Variants in AKAP9 observed in about 807,000 individuals in gnomAD.
AKAP9 encodes the protein A-kinase anchoring protein 9.
A neutral mutation model predicts 488.5 loss-of-function variants in AKAP9; 311 were observed. The observed-to-expected ratio is 0.64, with a 90% CI of 0.58 to 0.70. The LOEUF (loss-of-function observed/expected upper bound fraction) is 0.70, where lower values mean the gene tolerates loss of function less well. Ranked by LOEUF, AKAP9 falls within the 30% of genes least tolerant of loss-of-function variation. The pLI is 0.00. For missense variants in AKAP9, 4,215 were observed against 4,374.5 expected, an observed-to-expected ratio of 0.96 and a Z score of 1.03; for synonymous variants, 1,462 against 1,483.5, an observed-to-expected ratio of 0.99 and a Z score of 0.33.
chr7:92,027,644 GCC>G (rs1803521921), intron 14 of AKAP9, among the ~76,000 whole-genome samples: 1 of 137,906 alleles, frequency 7.3e-6, no homozygotes, highest in African/African-American at 2.8e-5. Context: ...TGTGAGGAGC[GCC>G]TCTGCCTGGC....
At chr7:92,081,473 T>TTATATATATA (rs372040821) in intron 31 of AKAP9, among the ~76,000 whole-genome samples, 1 of 120,420 alleles carries the variant, frequency 8.3e-6, no homozygotes, top group African/African-American at 3.2e-5. Context: ...CCCGGCTAAT[T>TTATATATATA]TATATATATA....
intron 16 of AKAP9, among the ~76,000 whole-genome samples, chr7:92,038,068 T>G (rs896352862): frequency 2.0e-5 from 3 of 152,184 alleles, no homozygotes; most frequent in Admixed American, 6.5e-5. Flanking sequence ...CAAAGAAGAA[T>G]AAGAAGATTT....
At chr7:92,106,146 C>G (rs975767409) in intron 47 of AKAP9, among the ~76,000 whole-genome samples, 11 of 152,170 alleles carry the variant, frequency 7.2e-5, no homozygotes, top group African/African-American at 2.7e-4. Context: ...GACTGCTGCT[C>G]TGAATTACTG....
chr7:92,096,273 TAAAG>T (rs986775440), intron 40 of AKAP9, among the ~76,000 whole-genome samples: 10 of 151,590 alleles, frequency 6.6e-5, no homozygotes, highest in Non-Finnish European at 1.5e-4. Context: ...TATTTTCTAA[TAAAG>T]ATACTACCAA....
chr7:91,961,519 T>C (rs1418828748), intron 1 of AKAP9, among the ~76,000 whole-genome samples: 1 of 151,980 alleles, frequency 6.6e-6, no homozygotes, highest in Non-Finnish European at 1.5e-5. Context: ...AAATTCATTG[T>C]TTTATTCAGA....
chr7:92,052,938 A>T lies in AKAP9; in HGVS notation c.5581A>T (p.Ile1861Leu). ...AGCAGTTGAAAAACTCCTAGAAGCC[A>T]TAAGTGAAACTAGCAGTCAGGTAAC... ...QAAVEKLLEAISETSSQLEHA... is the reference protein window; with the variant it reads ...QAAVEKLLEALSETSSQLEHA... The change falls in exon 22 of 50, where the codon ATA (isoleucine) becomes TTA (leucine). Residue 1861 changes from isoleucine (I) to leucine (L), a missense_variant. Ile to Leu is a conservative substitution (Grantham distance 5). Transcript: ENST00000356239. The T allele has an allele frequency of 6.2e-7, 1 of 1,613,618 alleles. No individual in the cohort carries two copies.
chr7:91,993,537 G>A (rs1387457968), intron 5 of AKAP9, among the ~76,000 whole-genome samples: 1 of 151,998 alleles, frequency 6.6e-6, no homozygotes, highest in African/African-American at 2.4e-5. Flanking sequence ...GAGGTGGGAG[G>A]ATCACTTGAG....
rs1352428807 is a variant in AKAP9, at chr7:92,097,591, C to A, written c.10404C>A (p.Thr3468=). The stretch of plus-strand genomic sequence containing the variant: ...ATTCTGTCCAAAATTGCCAGCCAAC[C>A]ACGTGGAGCTTAACCAGTGATAGAA... ...RILYQNLNEP[T]TWSLTSDRTR... is the part of the protein sequence containing the mutation. Residue 3468 remains threonine, a synonymous_variant, in exon 42 of 50, where the codon ACC becomes ACA. Coordinates refer to ENST00000356239, the MANE Select transcript of AKAP9 (RefSeq NM_005751.5). The A allele has an allele frequency of 6.2e-7, 1 of 1,613,210 alleles. No individual in the cohort carries two copies. The highest frequency in any genetic ancestry group is 1.1e-5 in the South Asian group (1 of 90,978).
At chr7:91,986,123 C>T (rs1211604874) in intron 3 of AKAP9, among the ~76,000 whole-genome samples, 1 of 152,120 alleles carries the variant, frequency 6.6e-6, no homozygotes, top group Non-Finnish European at 1.5e-5. Flanking sequence ...CGAGATTCTA[C>T]CTGGTTTAGT....
intron 18 of AKAP9, chr7:92,041,753 T>C (rs1310483627): frequency 3.4e-6 from 1 of 296,336 alleles, no homozygotes; most frequent in Non-Finnish European, 6.4e-6. Context: ...AAATTAACTT[T>C]GCTTTTCTTC....
At chr7:91,972,464 A>G (rs771386576) in intron 1 of AKAP9, among the ~76,000 whole-genome samples, 11 of 152,162 alleles carry the variant, frequency 7.2e-5, no homozygotes, top group Non-Finnish European at 1.2e-4. Context: ...AATATTTTCC[A>G]TGTTTGGTGA....
Position 92,086,216 on chromosome 7 carries a change from G to A in AKAP9, c.9025-12G>A. On this transcript the variant is annotated splice_polypyrimidine_tract_variant and intron_variant, in intron 36 of 49. Transcript: ENST00000356239. The stretch of plus-strand genomic sequence containing the variant: ...ATTTGAAAACTAACTATCGTTATAT[G>A]TACTTTGCTAGGTTTATGATAGTTC... 6.2e-7 allele frequency: 1 copy of A among 1,608,054 alleles called. No homozygotes were observed. The highest frequency in any genetic ancestry group is 8.5e-7 in the Non-Finnish European group (1 of 1,174,810).
At position 92,002,949 on chromosome 7, in the gene AKAP9, CAT is replaced by C. The variant is rs2130670715; in HGVS notation, c.3033_3034del (p.Cys1012Ter). On this transcript the variant is annotated frameshift_variant, in exon 8 of 50. Transcript: ENST00000356239. LOFTEE classifies it high-confidence loss of function. ...CACAACAGGGCAGAAAATGTACAGTCATGTGATACTCAAGTAAGCTCTTTATT... is the reference window on the plus strand; with the variant it reads ...CACAACAGGGCAGAAAATGTACAGTCGTGATACTCAAGTAAGCTCTTTATT... 5.6e-6 allele frequency: 9 copies of C among 1,612,964 alleles called. No individual in the cohort carries two copies. Among genetic ancestry groups the C allele is most frequent in the Non-Finnish European group, 7.6e-6 (9 of 1,179,562 alleles).
chr7:92,073,879 A>G (rs974063174), intron 28 of AKAP9, among the ~76,000 whole-genome samples: 4 of 152,244 alleles, frequency 2.6e-5, no homozygotes, highest in African/African-American at 9.6e-5. Context: ...AATTAACTCA[A>G]GATGGATTAA....
chr7:92,014,627 T>C (rs1384858454), intron 10 of AKAP9, among the ~76,000 whole-genome samples: 1 of 152,040 alleles, frequency 6.6e-6, no homozygotes, highest in Non-Finnish European at 1.5e-5. Flanking sequence ...GGACTCTGTC[T>C]CAAAAAAATA....
chr7:92,082,534 C>A lies in AKAP9; in HGVS notation c.8032C>A (p.Leu2678Ile). 1.2e-6 allele frequency: 2 copies of A among 1,613,684 alleles called. No homozygotes were observed. The highest frequency in any genetic ancestry group is 1.7e-6 in the Non-Finnish European group (2 of 1,179,760). The change falls in exon 32 of 50, where the codon CTA becomes ATA. Residue 2678 changes from leucine to isoleucine, a missense_variant. Around this residue, in one of 5 missense-constraint regions of AKAP9, gnomAD observed 1,476 missense variants for 1,477.4 expected, o/e 1.00. Transcript: ENST00000356239. ...DVEVLKTTTE[L>I]FHSNEESGFF... is the part of the protein sequence containing the mutation. The stretch of plus-strand genomic sequence containing the variant: ...CGCTGTCATTCAGACAACTACTGAG[C>A]TATTTCATAGCAATGAAGAAAGTGG...
chr7:92,102,966 C>CTT, intron 46 of AKAP9, 140 bp downstream of exon 46: 2 of 770,674 alleles, frequency 2.6e-6, no homozygotes, highest in Admixed American at 2.5e-5. Context: ...AGCATGTCTG[C>CTT]TTTTTTTTTC....
At chr7:92,003,576 T>C (rs1215861047) in intron 8 of AKAP9, among the ~76,000 whole-genome samples, 2 of 152,114 alleles carry the variant, frequency 1.3e-5, no homozygotes, top group Non-Finnish European at 2.9e-5. Context: ...ATTTTTGTTA[T>C]AATCTCAAAG....
At chr7:92,097,401 G>C in intron 41 of AKAP9, 44 bp downstream of exon 41, 5 of 1,596,288 alleles carry the variant, frequency 3.1e-6, no homozygotes, top group Non-Finnish European at 4.3e-6. Context: ...GGAAAGCACT[G>C]CAGCCCTTTG....
Sources: gnomAD v4.1 joint callset for allele counts (sites outside exome capture counted in the v4.1 genomes callset) on GRCh38, gnomAD v4.1.1 for gene constraint, gnomAD v4.1.1 regional missense constraint, MANE v1.5 for transcripts, NCBI Gene and HGNC (gene_info 2026-07-23, HGNC 2026-07-21) for gene names.